The following S100Z variants were observed in gnomAD, a reference collection of about 807,000 sequenced individuals.
S100Z encodes the protein protein S100-Z.
A neutral mutation model predicts 8.5 loss-of-function variants in S100Z; 11 were observed. The observed-to-expected ratio is 1.30, with a 90% confidence interval of 0.82 to 2.15. The LOEUF (loss-of-function observed/expected upper bound fraction) is 2.15. Ranked by LOEUF, S100Z falls within the 30% of genes most tolerant of loss-of-function variation. The pLI is 0.00. For synonymous variants in S100Z, 34 were observed against 43.8 expected, an observed-to-expected ratio of 0.78 and a Z score of 0.89; for missense variants, 126 against 117.9, an observed-to-expected ratio of 1.07 and a Z score of -0.32.
the S100Z span, among the ~76,000 whole-genome samples, chr5:76,941,208 G>A: frequency 4.7e-4 from 71 of 152,210 alleles, no homozygotes; most frequent in East Asian, 1.2e-3. Context: ...GAATTGGGGC[G>A]CCAAGATTTT....
intron 1 of S100Z, among the ~76,000 whole-genome samples, chr5:76,865,240 CTTTT>C (rs140953492): frequency 4.6e-4 from 46 of 100,588 alleles, no homozygotes; most frequent in Admixed American, 7.5e-4. Flanking sequence ...TGTCCTAGCT[CTTTT>C]TTTTTTTTTT....
At chr5:76,878,070 A>G in intron 4 of S100Z, 1 of 277,800 alleles carries the variant, frequency 3.6e-6, no homozygotes, top group East Asian at 6.2e-5. Context: ...TTAAGAGGCT[A>G]TATGCATCTT....
chr5:76,914,548 G>A (rs1004458544), intron 4 of S100Z, among the ~76,000 whole-genome samples: 8 of 152,084 alleles, frequency 5.3e-5, no homozygotes, highest in Middle Eastern at 3.4e-3. Context: ...TTCACTCTTC[G>A]CAATAAATCT....
chr5:76,937,491 C>T, the S100Z span, among the ~76,000 whole-genome samples: 1 of 152,036 alleles, frequency 6.6e-6, no homozygotes, highest in East Asian at 1.9e-4. Context: ...CACAGTGGCT[C>T]ATGCCTATAA....
At chr5:76,908,428 C>T (rs1027970883) in intron 4 of S100Z, among the ~76,000 whole-genome samples, 1 of 152,244 alleles carries the variant, frequency 6.6e-6, no homozygotes, top group Non-Finnish European at 1.5e-5. Context: ...CACTTCTCTT[C>T]TCTGAGGCTA....
At chr5:76,889,692 T>C (rs1743791443) in intron 4 of S100Z, among the ~76,000 whole-genome samples, 3 of 152,260 alleles carry the variant, frequency 2.0e-5, no homozygotes, top group Admixed American at 2.0e-4. Context: ...AAGAATTACA[T>C]GATGTACCAA....
intron 1 of S100Z, among the ~76,000 whole-genome samples, chr5:76,865,857 A>T (rs889824424): frequency 1.4e-4 from 20 of 144,550 alleles, no homozygotes; most frequent in Non-Finnish European, 2.4e-4. Context: ...TACTAAAAAT[A>T]AAAAAAAATT....
chr5:76,945,910 G>A, the S100Z span, among the ~76,000 whole-genome samples: 9 of 152,088 alleles, frequency 5.9e-5, no homozygotes, highest in East Asian at 1.9e-4. Context: ...CCCACCCGAC[G>A]AGAAATACCC....
At chr5:76,886,749 T>C (rs750341755) in intron 4 of S100Z, among the ~76,000 whole-genome samples, 4 of 152,056 alleles carry the variant, frequency 2.6e-5, no homozygotes, top group Non-Finnish European at 4.4e-5. Context: ...GCGGTGGAGT[T>C]AGGAGCAATT....
the S100Z span, among the ~76,000 whole-genome samples, chr5:76,928,962 G>A: frequency 2.0e-5 from 3 of 152,184 alleles, no homozygotes; most frequent in East Asian, 1.9e-4. Context: ...GGCTGGTCTC[G>A]AACTCCGGGG....
At chr5:76,901,616 G>A (rs1744229804) in intron 4 of S100Z, among the ~76,000 whole-genome samples, 1 of 151,958 alleles carries the variant, frequency 6.6e-6, no homozygotes, top group African/African-American at 2.4e-5. Flanking sequence ...CACCCTTCAG[G>A]GCAGTGCACT....
chr5:76,924,041 C>A (rs970471450), downstream of S100Z, among the ~76,000 whole-genome samples: 1 of 152,130 alleles, frequency 6.6e-6, no homozygotes, highest in Non-Finnish European at 1.5e-5. Flanking sequence ...TTGATCCTCT[C>A]CCCTAAAATA....
chr5:76,899,890 G>C (rs1296510848), intron 4 of S100Z, among the ~76,000 whole-genome samples: 1 of 151,948 alleles, frequency 6.6e-6, no homozygotes, highest in Non-Finnish European at 1.5e-5. Flanking sequence ...TTTTCTTTTT[G>C]ATTCATGTAC....
intron 4 of S100Z, among the ~76,000 whole-genome samples, chr5:76,883,250 G>A (rs1007806330): frequency 7.9e-5 from 12 of 152,134 alleles, no homozygotes; most frequent in South Asian, 4.1e-4. Context: ...AGGGGGATAC[G>A]AGAGGAGGAT....
the S100Z span, among the ~76,000 whole-genome samples, chr5:76,941,563 T>C: frequency 6.6e-6 from 1 of 152,172 alleles, no homozygotes; most frequent in East Asian, 1.9e-4. Flanking sequence ...AATGACCCAG[T>C]CTTGGGTATG....
downstream of S100Z, among the ~76,000 whole-genome samples, chr5:76,924,428 G>T (rs1580074656): frequency 1.3e-5 from 2 of 152,242 alleles, no homozygotes; most frequent in East Asian, 3.9e-4. Context: ...GGGTGAAGAA[G>T]AGCTTTCCCT....
chr5:76,926,218 A>C (rs1055525506), downstream of S100Z, among the ~76,000 whole-genome samples: 1 of 152,144 alleles, frequency 6.6e-6, no homozygotes, highest in Non-Finnish European at 1.5e-5. Context: ...TTAAGGCGAT[A>C]GAATTGTCCA....
At chr5:76,911,658 A>C (rs1203127646) in intron 4 of S100Z, among the ~76,000 whole-genome samples, 1 of 152,166 alleles carries the variant, frequency 6.6e-6, no homozygotes, top group East Asian at 1.9e-4. Flanking sequence ...ACCAGTTCTG[A>C]AGCCTCATGC....
rs552513535 is a variant in S100Z at position 76,856,437 on chromosome 5, C to T, written c.-176+6282C>T. On this transcript the variant is annotated intron_variant, in intron 1 of 4. Coordinates refer to ENST00000317593, the MANE Select transcript of S100Z (RefSeq NM_130772.4). ...CTGGTCTCAAACTCCTGACCTCAGG[C>T]GATCCACCTGCCTCAGCCTCCCAAA... Among the ~76,000 whole-genome samples, 65 of 152,234 alleles carry T rather than the reference C, an allele frequency of 4.3e-4. No homozygotes were observed. In the East Asian group the frequency reaches 8.5e-3, roughly 20 times the overall value.
Sources: gnomAD v4.1 joint callset for allele counts (sites outside exome capture counted in the v4.1 genomes callset) on GRCh38, gnomAD v4.1.1 for gene constraint, MANE v1.5 for transcripts, NCBI Gene and HGNC (gene_info 2026-07-23, HGNC 2026-07-21) for gene names.